The following DGKB variants were observed in gnomAD, a reference collection of about 807,000 sequenced individuals.
The protein encoded by DGKB is 90 kDa diacylglycerol kinase.
DGKB carries 67 observed loss-of-function variants against 114.3 expected under a neutral mutation model. That is an observed-to-expected ratio of 0.59 (90% CI 0.48 to 0.72). The LOEUF is 0.72. DGKB is among the 30% of genes least tolerant of loss of function. The probability of loss-of-function intolerance (pLI) is 0.00; values close to 1 mark genes in which losing one functional copy is unlikely to be tolerated. For synonymous variants in DGKB, 398 were observed against 323.1 expected, an observed-to-expected ratio of 1.23 and a Z score of -2.49; for missense variants, 907 against 975.2, an observed-to-expected ratio of 0.93 and a Z score of 0.93.
chr7:14,749,469 T>G (rs1880552), intron 4 of DGKB, among the ~76,000 whole-genome samples: 41,289 of 152,060 alleles, frequency 0.27, 7,382 homozygotes, highest in African/African-American at 0.5. Flanking sequence ...CAATTAGAAA[T>G]ATATTATTTT....
At chr7:14,554,140 G>A (rs1392162664) in intron 20 of DGKB, among the ~76,000 whole-genome samples, 1 of 152,060 alleles carries the variant, frequency 6.6e-6, no homozygotes, top group East Asian at 1.9e-4. Flanking sequence ...CCAAAGTGCT[G>A]GGATTACAGG....
intron 23 of DGKB, among the ~76,000 whole-genome samples, chr7:14,182,300 ACTT>A (rs1039910263): frequency 1.9e-4 from 29 of 152,008 alleles, no homozygotes; most frequent in African/African-American, 6.0e-4. Context: ...TAATTATTGA[ACTT>A]CTAGATTTTA....
chr7:14,786,319 T>C (rs1361699671), intron 2 of DGKB, among the ~76,000 whole-genome samples: 1 of 152,220 alleles, frequency 6.6e-6, no homozygotes, highest in Non-Finnish European at 1.5e-5. Flanking sequence ...ACCAATCAGG[T>C]TGTAATGTCT....
At chr7:14,679,770 G>A (rs1241625358) in intron 12 of DGKB, among the ~76,000 whole-genome samples, 1 of 151,902 alleles carries the variant, frequency 6.6e-6, no homozygotes, top group Non-Finnish European at 1.5e-5. Context: ...CATCAGTCAA[G>A]AGCAGATCAA....
chr7:14,252,155 T>C (rs150053575), intron 23 of DGKB, among the ~76,000 whole-genome samples: 223 of 152,312 alleles, frequency 1.5e-3, no homozygotes, highest in Middle Eastern at 3.4e-3. Flanking sequence ...TGGTGTCCCA[T>C]AAGTCCTGTA....
At chr7:14,463,784 C>G (rs1178651190) in intron 21 of DGKB, among the ~76,000 whole-genome samples, 1 of 152,150 alleles carries the variant, frequency 6.6e-6, no homozygotes, top group Non-Finnish European at 1.5e-5. Flanking sequence ...ATAATTGTAA[C>G]TATCTCCTAA....
chr7:14,571,293 A>C (rs1475793803), intron 20 of DGKB, among the ~76,000 whole-genome samples: 1 of 152,242 alleles, frequency 6.6e-6, no homozygotes, highest in Non-Finnish European at 1.5e-5. Flanking sequence ...ATAAGCTAAG[A>C]AAACAAGTAG....
At chr7:14,894,126 G>T (rs1587265386) in intron 1 of DGKB, among the ~76,000 whole-genome samples, 1 of 151,296 alleles carries the variant, frequency 6.6e-6, no homozygotes, top group African/African-American at 2.4e-5. Flanking sequence ...GGCCAGGGAA[G>T]TTTATACTAA....
chr7:14,507,836 G>C (rs920256460), intron 20 of DGKB, among the ~76,000 whole-genome samples: 1 of 152,198 alleles, frequency 6.6e-6, no homozygotes. Context: ...TGAGTCAACT[G>C]TGGGTACTGA....
chr7:14,344,857 G>A (rs1167821295), intron 22 of DGKB, among the ~76,000 whole-genome samples: 1 of 151,260 alleles, frequency 6.6e-6, no homozygotes, highest in Non-Finnish European at 1.5e-5. Flanking sequence ...GTTAATGAAT[G>A]GGAATGGAAT....
chr7:14,928,564 A>G (rs1275334195), intron 1 of DGKB, among the ~76,000 whole-genome samples: 1 of 151,982 alleles, frequency 6.6e-6, no homozygotes, highest in African/African-American at 2.4e-5. Flanking sequence ...ATCTGTGTGC[A>G]ATTTGTCAGA....
At chr7:14,342,850 G>T (rs184294505) in intron 22 of DGKB, among the ~76,000 whole-genome samples, 1 of 151,672 alleles carries the variant, frequency 6.6e-6, no homozygotes, top group Non-Finnish European at 1.5e-5. Context: ...ATGTGAAAGA[G>T]AAATATTAAA....
In DGKB at chr7:14,968,296, T is replaced by C. The variant is rs1244872050; in HGVS notation, c.-188+6400A>G. 2.6e-5 allele frequency among the ~76,000 whole-genome samples: 4 copies of C among 152,158 alleles called. No individual in the cohort carries two copies. In the East Asian group the frequency reaches 7.7e-4, roughly 29 times the overall value. On this transcript the variant is annotated intron_variant, in intron 1 of 4. Transcript: ENST00000437998. ...AACTTGAGGCTTTAGAACATTTGAT[T>C]TGAATAATCTTTGATCTATTGTGTT...
At chr7:14,478,964 G>T (rs1043999508) in intron 20 of DGKB, among the ~76,000 whole-genome samples, 1 of 152,052 alleles carries the variant, frequency 6.6e-6, no homozygotes, top group Non-Finnish European at 1.5e-5. Context: ...CATACTCAAT[G>T]TGTGAGACTG....
intron 23 of DGKB, among the ~76,000 whole-genome samples, chr7:14,225,508 T>C (rs1049253865): frequency 6.6e-6 from 1 of 152,084 alleles, no homozygotes; most frequent in African/African-American, 2.4e-5. Context: ...GAGCTCCTTA[T>C]GTTGAAAGAG....
chr7:14,275,750 C>T (rs562123083), intron 23 of DGKB, among the ~76,000 whole-genome samples: 1 of 152,244 alleles, frequency 6.6e-6, no homozygotes, highest in African/African-American at 2.4e-5. Context: ...GATGTCCCAC[C>T]AGTAACAGAT....
chr7:14,656,044 C>A (rs79873189), intron 13 of DGKB, among the ~76,000 whole-genome samples: 11 of 151,514 alleles, frequency 7.3e-5, no homozygotes, highest in Non-Finnish European at 1.5e-5. Flanking sequence ...ATTTCCAATA[C>A]GAAGAAATGA....
intron 21 of DGKB, among the ~76,000 whole-genome samples, chr7:14,467,893 A>T (rs1780706282): frequency 6.6e-6 from 1 of 152,124 alleles, no homozygotes; most frequent in South Asian, 2.1e-4. Flanking sequence ...TGAGGTGATT[A>T]ACCTCTTTGG....
chr7:14,412,493 G>T (rs554071653), intron 21 of DGKB, among the ~76,000 whole-genome samples: 11 of 152,270 alleles, frequency 7.2e-5, no homozygotes, highest in African/African-American at 2.4e-4. Flanking sequence ...GAGAGCCCGG[G>T]GAAAGGAGCA....
Sources: gnomAD v4.1 joint callset for allele counts (sites outside exome capture counted in the v4.1 genomes callset) on GRCh38, gnomAD v4.1.1 for gene constraint, MANE v1.5 for transcripts, NCBI Gene and HGNC (gene_info 2026-07-23, HGNC 2026-07-21) for gene names.